PYY: variants seen among roughly 807,000 people sequenced by gnomAD.
PYY encodes peptide YY, also known as peptide tyrosine tyrosine.
In PYY, 12 loss-of-function variants were observed where a neutral mutation model predicts 10.3. That is an observed-to-expected ratio of 1.17 (90% CI 0.75 to 1.89). The LOEUF is 1.89. PYY is among the 40% of genes most tolerant of loss of function. PYY has a pLI of 0.00. For missense variants in PYY, 141 were observed against 134.0 expected, an observed-to-expected ratio of 1.05 and a Z score of -0.26; for synonymous variants, 66 against 62.0, an observed-to-expected ratio of 1.06 and a Z score of -0.30.
intron 1 of PYY, among the ~76,000 whole-genome samples, chr17:43,976,887 G>A (rs546316350): frequency 6.6e-6 from 1 of 152,216 alleles, no homozygotes; most frequent in South Asian, 2.1e-4. Flanking sequence ...TCTGATCTTT[G>A]TGCACCAGTG....
intron 1 of PYY, among the ~76,000 whole-genome samples, chr17:43,981,103 C>G (rs902161246): frequency 6.6e-6 from 1 of 151,646 alleles, no homozygotes; most frequent in African/African-American, 2.4e-5. Context: ...CTCCTTGCCT[C>G]AAGCAATCCT....
chr17:43,969,515 C>CAAAAAA (rs71361552), intron 1 of PYY, among the ~76,000 whole-genome samples: 3 of 90,428 alleles, frequency 3.3e-5, no homozygotes, highest in Admixed American at 1.3e-4. Flanking sequence ...GACTCTGTCT[C>CAAAAAA]AAAAAAAAAA....
chr17:43,995,138 A>G (rs1284448261), intron 1 of PYY, among the ~76,000 whole-genome samples: 2 of 152,146 alleles, frequency 1.3e-5, no homozygotes, highest in Non-Finnish European at 2.9e-5. Context: ...CCTGTCCTCT[A>G]TCCACCGAGG....
intron 1 of PYY, among the ~76,000 whole-genome samples, chr17:43,992,864 C>T (rs1032607806): frequency 3.9e-5 from 6 of 151,992 alleles, no homozygotes; most frequent in East Asian, 3.9e-4. Flanking sequence ...AAGGGCTGCC[C>T]GCAACCACAC....
Position 44,000,246 on chromosome 17 carries a change from C to T in PYY, c.-463+4145G>A, listed in dbSNP as rs567440669. On this transcript the variant is annotated intron_variant, in intron 1 of 6. Transcript: ENST00000360085. ...TGTATGTCTTTCTCTAGCCATCATGCATGCTCAGCTGTGTAGTGCAGGCAC... is the reference window on the plus strand; with the variant it reads ...TGTATGTCTTTCTCTAGCCATCATGTATGCTCAGCTGTGTAGTGCAGGCAC... Among the ~76,000 whole-genome samples, 73 of 152,294 alleles carry T rather than the reference C, an allele frequency of 4.8e-4. 1 individual carries two copies. The highest frequency in any genetic ancestry group is 3.4e-3 in the Middle Eastern group (1 of 294).
intron 1 of PYY, among the ~76,000 whole-genome samples, chr17:43,974,556 T>TA (rs1346337478): frequency 6.6e-6 from 1 of 152,172 alleles, no homozygotes; most frequent in Non-Finnish European, 1.5e-5. Flanking sequence ...AAAGTGCCCG[T>TA]AAAGGGTTAG....
chr17:43,991,306 C>T (rs2048955548), intron 1 of PYY, among the ~76,000 whole-genome samples: 1 of 152,004 alleles, frequency 6.6e-6, no homozygotes, highest in South Asian at 2.1e-4. Context: ...TGGCAGGCAC[C>T]TGTAATCCCA....
intron 1 of PYY, among the ~76,000 whole-genome samples, chr17:43,978,643 C>G (rs918755809): frequency 1.3e-5 from 2 of 152,204 alleles, no homozygotes; most frequent in African/African-American, 4.8e-5. Flanking sequence ...ATTACACCCC[C>G]ACCCCAGTTT....
At chr17:43,976,248 C>T (rs1178111633) in intron 1 of PYY, among the ~76,000 whole-genome samples, 1 of 136,564 alleles carries the variant, frequency 7.3e-6, no homozygotes, top group Admixed American at 7.1e-5. Flanking sequence ...TATATATACA[C>T]ATATGTATAC....
intron 1 of PYY, among the ~76,000 whole-genome samples, chr17:43,972,500 G>A (rs1046074021): frequency 6.6e-6 from 1 of 151,164 alleles, no homozygotes; most frequent in African/African-American, 2.4e-5. Flanking sequence ...ACAGGCGTGA[G>A]CCGCCACACC....
chr17:43,968,860 C>A (rs2048770870), intron 1 of PYY, among the ~76,000 whole-genome samples: 1 of 151,738 alleles, frequency 6.6e-6, no homozygotes. Flanking sequence ...GTAATCCCAG[C>A]ACTTTGGGAG....
intron 1 of PYY, among the ~76,000 whole-genome samples, chr17:43,992,435 G>A (rs927281943): frequency 4.6e-5 from 7 of 152,020 alleles, no homozygotes; most frequent in Non-Finnish European, 1.0e-4. Flanking sequence ...ACAAGGCCAG[G>A]CGCAGTGGCT....
chr17:43,963,467 C>A (rs192773633), intron 2 of PYY, among the ~76,000 whole-genome samples: 1 of 136,668 alleles, frequency 7.3e-6, no homozygotes, highest in African/African-American at 2.7e-5. Flanking sequence ...GAGATCATGC[C>A]ATTGCACTCC....
rs560388476 is a variant in PYY at position 43,959,668 on chromosome 17, C to T, written c.-217-1640G>A. 2.6e-5 allele frequency among the ~76,000 whole-genome samples: 4 copies of T among 152,100 alleles called. No individual in the cohort carries two copies. In the East Asian group the frequency reaches 5.8e-4, roughly 22 times the overall value. ...CAGCGCTCCAGCCTGGGTGACAGAG[C>T]GAGACTACGTCTCAAAAAAGAAAAA... On this transcript the variant is annotated intron_variant, in intron 2 of 6. Coordinates refer to the PYY transcript ENST00000360085.
At chr17:43,983,859 G>GGA (rs1449029220) in intron 1 of PYY, among the ~76,000 whole-genome samples, 1 of 152,186 alleles carries the variant, frequency 6.6e-6, no homozygotes, top group African/African-American at 2.4e-5. Flanking sequence ...TCCTCCCCAG[G>GGA]CGCGCGCAGG....
chr17:44,000,502 G>A (rs955374711), intron 1 of PYY, among the ~76,000 whole-genome samples: 18 of 151,476 alleles, frequency 1.2e-4, no homozygotes, highest in Middle Eastern at 3.5e-3. Flanking sequence ...GTCTTTTCAC[G>A]TCTATGTCCA....
At chr17:43,982,891 A>G (rs563536975) in intron 1 of PYY, among the ~76,000 whole-genome samples, 2 of 152,212 alleles carry the variant, frequency 1.3e-5, no homozygotes, top group Admixed American at 1.3e-4. Flanking sequence ...GAAGGAGGAA[A>G]GTGGTGGCCC....
chr17:43,966,776 G>T (rs762687837), intron 1 of PYY, among the ~76,000 whole-genome samples: 2 of 152,162 alleles, frequency 1.3e-5, no homozygotes, highest in African/African-American at 2.4e-5. Flanking sequence ...GTTTTTGTCT[G>T]TTTCTTCACT....
intron 1 of PYY, among the ~76,000 whole-genome samples, chr17:43,992,684 G>A (rs1306058883): frequency 1.3e-5 from 2 of 152,046 alleles, no homozygotes; most frequent in Admixed American, 1.3e-4. Context: ...TCCAGCCTGG[G>A]CAACAAGAGC....
Sources: gnomAD v4.1 joint callset for allele counts (sites outside exome capture counted in the v4.1 genomes callset) on GRCh38, gnomAD v4.1.1 for gene constraint, MANE v1.5 for transcripts, NCBI Gene and HGNC (gene_info 2026-07-23, HGNC 2026-07-21) for gene names.